The following JARID2 variants were observed in gnomAD, a reference collection of about 807,000 sequenced individuals.
JARID2 encodes jumonji and AT-rich interaction domain containing 2.
A neutral mutation model predicts 125.6 loss-of-function variants in JARID2; 21 were observed. That is an observed-to-expected ratio of 0.17 (90% CI 0.12 to 0.24). The LOEUF (loss-of-function observed/expected upper bound fraction) is 0.24. Among genes scored for constraint, JARID2 ranks in the 10% least tolerant of loss-of-function variants. The pLI, the probability that JARID2 is intolerant of heterozygous loss-of-function variation, is 1.00. For synonymous variants in JARID2, 736 were observed against 661.6 expected, an observed-to-expected ratio of 1.11 and a Z score of -1.73; for missense variants, 1,303 against 1,639.6, an observed-to-expected ratio of 0.79 and a Z score of 3.55.
chr6:15,458,089 G>A lies in JARID2; in HGVS notation c.493+5914G>A, dbSNP rs79068445. Among the ~76,000 whole-genome samples, 1,093 of 152,262 alleles carry A rather than the reference G, an allele frequency of 7.2e-3. 13 individuals carry two copies. The highest frequency in any genetic ancestry group is 0.025 in the African/African-American group (1,039 of 41,532). The stretch of plus-strand genomic sequence containing the variant: ...TTAGTATCTTTCACTGGCACACGCG[G>A]GGAAGAGGGTTTTGCGCTTGCTGCA... On this transcript the variant is annotated intron_variant, in intron 4 of 17. Transcript: ENST00000341776.
intron 2 of JARID2, among the ~76,000 whole-genome samples, chr6:15,375,819 G>A (rs1359825901): frequency 6.6e-6 from 1 of 152,154 alleles, no homozygotes; most frequent in Non-Finnish European, 1.5e-5. Context: ...GTATGGTTGT[G>A]ATGCTCTCAC....
intron 1 of JARID2, among the ~76,000 whole-genome samples, chr6:15,333,261 G>T (rs375421496): frequency 6.6e-6 from 1 of 151,958 alleles, no homozygotes; most frequent in African/African-American, 2.4e-5. Flanking sequence ...TATACAACTC[G>T]GTGTTTTTTA....
intron 1 of JARID2, among the ~76,000 whole-genome samples, chr6:15,283,859 C>T (rs571095745): frequency 3.4e-4 from 51 of 151,900 alleles, no homozygotes; most frequent in Non-Finnish European, 6.5e-4. Flanking sequence ...GCGCCTGCCA[C>T]CATGCCCGGC....
intron 2 of JARID2, among the ~76,000 whole-genome samples, chr6:15,399,070 T>TGTA (rs1355527474): frequency 2.0e-5 from 3 of 152,206 alleles, no homozygotes; most frequent in African/African-American, 7.2e-5. Flanking sequence ...TGTCCTTTAA[T>TGTA]TGACTCTGTA....
intron 2 of JARID2, among the ~76,000 whole-genome samples, chr6:15,408,963 C>T (rs551124471): frequency 6.6e-6 from 1 of 152,110 alleles, no homozygotes; most frequent in African/African-American, 2.4e-5. Flanking sequence ...CCTCATTAGT[C>T]GAAGTGAATA....
chr6:15,453,147 A>G (rs1380069878), intron 4 of JARID2, among the ~76,000 whole-genome samples: 1 of 152,204 alleles, frequency 6.6e-6, no homozygotes, highest in Non-Finnish European at 1.5e-5. Context: ...GTTCACAGTG[A>G]TACGTGGCCC....
chr6:15,380,789 T>C (rs544113282), intron 2 of JARID2, among the ~76,000 whole-genome samples: 4 of 152,218 alleles, frequency 2.6e-5, no homozygotes, highest in East Asian at 3.8e-4. Flanking sequence ...TGTGAATTCA[T>C]TGTTAACAAA....
chr6:15,346,739 AT>A (rs11321575), intron 1 of JARID2, among the ~76,000 whole-genome samples: 18,542 of 137,224 alleles, frequency 0.14, 1,830 homozygotes, highest in African/African-American at 0.3. Context: ...AGTAATTGTA[AT>A]TTTTTTTTTT....
chr6:15,391,074 C>G (rs760512249), intron 2 of JARID2, among the ~76,000 whole-genome samples: 1 of 152,150 alleles, frequency 6.6e-6, no homozygotes, highest in South Asian at 2.1e-4. Flanking sequence ...TACAGTACCC[C>G]GTGACTTCCT....
At chr6:15,445,948 A>G (rs1261822036) in intron 3 of JARID2, among the ~76,000 whole-genome samples, 2 of 152,118 alleles carry the variant, frequency 1.3e-5, no homozygotes, top group Non-Finnish European at 2.9e-5. Flanking sequence ...ATTCCTGTCT[A>G]CCTTCAGGTA....
chr6:15,295,783 C>T (rs1317954292), intron 1 of JARID2, among the ~76,000 whole-genome samples: 2 of 152,160 alleles, frequency 1.3e-5, no homozygotes, highest in African/African-American at 4.8e-5. Flanking sequence ...TCTGCCTCAG[C>T]CTTCTAAGTA....
intron 1 of JARID2, among the ~76,000 whole-genome samples, chr6:15,364,767 T>C (rs1763917745): frequency 6.6e-6 from 1 of 152,212 alleles, no homozygotes; most frequent in South Asian, 2.1e-4. Flanking sequence ...TTAATGCAGA[T>C]ATGTCAGTGC....
chr6:15,496,288 G>C lies in JARID2; in HGVS notation c.1063G>C (p.Glu355Gln), dbSNP rs1172967249. The part of the protein sequence containing the change: ...GAVTYTKAKR[E>Q]LVKDTKPNHH... The stretch of plus-strand genomic sequence containing the variant: ...TGTCACATACACCAAAGCCAAGAGA[G>C]AACTGGTCAAGGACACCAAACCCAA... Residue 355 changes from glutamate (E) to glutamine (Q), a missense_variant, in exon 7 of 18, where the codon GAA (glutamate) becomes CAA (glutamine). Physicochemically the swap from Glu to Gln is conservative, Grantham distance 29. This residue lies in a region of JARID2 where 651 missense variants were observed against 581.6 expected (regional missense o/e 1.12). Transcript: ENST00000341776. 1 of 1,614,200 alleles carries C rather than the reference G, an allele frequency of 6.2e-7. No homozygotes were observed. The highest frequency in any genetic ancestry group is 8.5e-7 in the Non-Finnish European group (1 of 1,180,042).
At chr6:15,280,590 A>G (rs927995193) in intron 1 of JARID2, among the ~76,000 whole-genome samples, 3 of 151,764 alleles carry the variant, frequency 2.0e-5, no homozygotes, top group Non-Finnish European at 2.9e-5. Context: ...GTTAACCACA[A>G]AATGCTAAGT....
chr6:15,368,149 G>GT (rs1764042117), intron 1 of JARID2, among the ~76,000 whole-genome samples: 1 of 152,044 alleles, frequency 6.6e-6, no homozygotes, highest in African/African-American at 2.4e-5. Context: ...GTCTTGTAAA[G>GT]CAGTTCATTA....
At chr6:15,490,364 C>T (rs1263091005) in intron 6 of JARID2, among the ~76,000 whole-genome samples, 1 of 152,098 alleles carries the variant, frequency 6.6e-6, no homozygotes, top group African/African-American at 2.4e-5. Context: ...CTTTGCTCTG[C>T]TTGCTATAAT....
rs1019230559 is a variant in JARID2 at position 15,246,087 on chromosome 6, C to T, written c.-453C>T. The stretch of plus-strand genomic sequence containing the variant: ...CGCCGCTGGAGTTGACTCTTCTGCT[C>T]GCACTGCTGCTGCAGCACAAACGTG... On this transcript the variant is annotated 5_prime_UTR_variant, in exon 1 of 18. Transcript: ENST00000341776. 2.0e-5 allele frequency among the ~76,000 whole-genome samples: 3 copies of T among 152,208 alleles called. No homozygotes were observed. The highest frequency in any genetic ancestry group is 7.2e-5 in the African/African-American group (3 of 41,456).
At chr6:15,387,669 G>A (rs1764840028) in intron 2 of JARID2, among the ~76,000 whole-genome samples, 1 of 152,164 alleles carries the variant, frequency 6.6e-6, no homozygotes, top group Non-Finnish European at 1.5e-5. Flanking sequence ...TAAACTCCAT[G>A]TTAATCTGCA....
In JARID2 at chr6:15,496,958, G is replaced by A. The variant is rs1206517184; in HGVS notation, c.1733G>A (p.Arg578His). The A allele has an allele frequency of 1.4e-5, 23 of 1,611,962 alleles. No individual in the cohort carries two copies. In the East Asian group the frequency reaches 3.3e-4, roughly 23 times the overall value. ...CCGCTCATCTACATCGAGTCGGTCCGCGCTCAGGTGGAGAAGTTCGGGATG... is the reference window on the plus strand; with the variant it reads ...CCGCTCATCTACATCGAGTCGGTCCACGCTCAGGTGGAGAAGTTCGGGATG... Reference protein sequence around the residue: ...HDPLIYIESVRAQVEKFGMCR... With the variant: ...HDPLIYIESVHAQVEKFGMCR... Residue 578 changes from arginine (R) to histidine (H), a missense_variant, in exon 7 of 18, where the codon CGC (arginine) becomes CAC (histidine). Around this residue, in one of 11 missense-constraint regions of JARID2, gnomAD observed 651 missense variants for 581.6 expected, o/e 1.12. Coordinates refer to ENST00000341776, the MANE Select transcript of JARID2 (RefSeq NM_004973.4).
Sources: gnomAD v4.1 joint callset for allele counts (sites outside exome capture counted in the v4.1 genomes callset) on GRCh38, gnomAD v4.1.1 for gene constraint, gnomAD v4.1.1 regional missense constraint, MANE v1.5 for transcripts, NCBI Gene and HGNC (gene_info 2026-07-23, HGNC 2026-07-21) for gene names.